The following SUZ12 variants were observed in gnomAD, a reference collection of about 807,000 sequenced individuals.
SUZ12 encodes SUZ12 polycomb repressive complex 2 subunit.
A neutral mutation model predicts 87.3 loss-of-function variants in SUZ12; 17 were observed. That is an observed-to-expected ratio of 0.19 (90% CI 0.13 to 0.29). The LOEUF is 0.29. Among genes scored for constraint, SUZ12 ranks in the 10% least tolerant of loss-of-function variants. The probability of loss-of-function intolerance (pLI) is 1.00; values close to 1 mark genes in which losing one functional copy is unlikely to be tolerated. For synonymous variants in SUZ12, 253 were observed against 312.4 expected (o/e 0.81, Z 2.01); for missense variants, 526 against 912.2 (o/e 0.58, Z 5.45).
At chr17:31,982,288 AC>A (rs1328746242) in intron 8 of SUZ12, among the ~76,000 whole-genome samples, 1 of 152,238 alleles carries the variant, frequency 6.6e-6, no homozygotes, top group African/African-American at 2.4e-5. Context: ...TCAAACAATT[AC>A]AGTAGTTAAA....
chr17:31,977,477 A>AC (rs1350780551), intron 8 of SUZ12, among the ~76,000 whole-genome samples: 11 of 151,886 alleles, frequency 7.2e-5, no homozygotes, highest in Non-Finnish European at 1.5e-4. Context: ...GACGGGTTTC[A>AC]CCGTGTTAGC....
chr17:31,982,312 C>G (rs1217882790), intron 8 of SUZ12, among the ~76,000 whole-genome samples: 1 of 149,608 alleles, frequency 6.7e-6, no homozygotes, highest in Admixed American at 6.6e-5. Context: ...TAACAGAATT[C>G]TTAGTGTTTC....
At position 31,937,163 on chromosome 17, in the gene SUZ12, TG is replaced by T; in HGVS notation, c.-80del. On this transcript the variant is annotated 5_prime_UTR_variant, in exon 1 of 16. Coordinates refer to ENST00000322652, the MANE Select transcript of SUZ12 (RefSeq NM_015355.4). ...CCCCCCTCGGTCCGCCGGAGCCTGC[TG>T]GGGCGAGCGGTTGGTATTGCAGGCG... 4 of 1,228,866 alleles carry T rather than the reference TG, an allele frequency of 3.3e-6. No homozygotes were observed. The highest frequency in any genetic ancestry group is 3.2e-6 in the Non-Finnish European group (3 of 947,708). The allele number at this position is 1,228,866 out of a possible 1,614,324, so 76.1% of individuals were successfully genotyped here.
chr17:31,943,382 C>A (rs906722045), intron 3 of SUZ12, among the ~76,000 whole-genome samples: 1 of 151,748 alleles, frequency 6.6e-6, no homozygotes, highest in Non-Finnish European at 1.5e-5. Context: ...AATTTCAGTC[C>A]GAAATGTCAA....
chr17:31,988,197 AT>A, intron 9 of SUZ12, 122 bp from the exon 10 acceptor site: 1 of 957,622 alleles, frequency 1.0e-6, no homozygotes, highest in South Asian at 2.0e-5. Flanking sequence ...CAGCATTTGG[AT>A]TTTCAAGACA....
intron 9 of SUZ12, among the ~76,000 whole-genome samples, chr17:31,985,398 G>T (rs963267443): frequency 6.6e-6 from 1 of 151,228 alleles, no homozygotes; most frequent in African/African-American, 2.4e-5. Context: ...TAGTTTACAA[G>T]ATTTCCATAT....
In SUZ12 at chr17:31,957,895, C is replaced by CTTTTTTTTTTTTT. The variant is rs1181314058; in HGVS notation, c.456-8239_456-8227dup. Among the ~76,000 whole-genome samples the CTTTTTTTTTTTTT allele has an allele frequency of 5.5e-5, 5 of 91,332 alleles. 1 individual carries two copies. The highest frequency in any genetic ancestry group is 1.1e-4 in the Non-Finnish European group (5 of 44,588). The allele number at this position is 91,332 out of a possible 152,430, so 59.9% of individuals were successfully genotyped here. Reference sequence around the variant, plus strand: ...ACCTGGCCCTGGCTCACCTTTTGTCCTTTTTTTTTTTTTTTTTTTTTTTTT... The same window carrying CTTTTTTTTTTTTT: ...ACCTGGCCCTGGCTCACCTTTTGTCCTTTTTTTTTTTTTTTTTTTTTTTTTTTTTTTTTTTTTT... On this transcript the variant is annotated intron_variant, in intron 4 of 15. Coordinates refer to ENST00000322652, the MANE Select transcript of SUZ12 (RefSeq NM_015355.4).
At chr17:31,944,976 G>A (rs191191281) in intron 3 of SUZ12, among the ~76,000 whole-genome samples, 1 of 151,090 alleles carries the variant, frequency 6.6e-6, no homozygotes, top group Non-Finnish European at 1.5e-5. Context: ...GCTGAGGCAG[G>A]AGGATCACCT....
At chr17:31,951,191 T>C (rs528268021) in intron 4 of SUZ12, among the ~76,000 whole-genome samples, 1 of 152,316 alleles carries the variant, frequency 6.6e-6, no homozygotes, top group East Asian at 1.9e-4. Flanking sequence ...TTATAGTATG[T>C]CTGCTCCTGA....
intron 8 of SUZ12, among the ~76,000 whole-genome samples, chr17:31,978,230 A>G (rs1185696533): frequency 6.6e-6 from 1 of 151,880 alleles, no homozygotes; most frequent in Admixed American, 6.6e-5. Flanking sequence ...TATTTTTGAG[A>G]CGGACTCTCG....
At chr17:31,963,548 A>G (rs1303058576) in intron 4 of SUZ12, among the ~76,000 whole-genome samples, 1 of 151,802 alleles carries the variant, frequency 6.6e-6, no homozygotes, top group Admixed American at 6.6e-5. Flanking sequence ...CCCATGCTGG[A>G]GTGCAGTGGT....
chr17:31,988,100 C>T (rs1045699186), intron 9 of SUZ12, among the ~76,000 whole-genome samples: 2 of 152,102 alleles, frequency 1.3e-5, no homozygotes, highest in Non-Finnish European at 2.9e-5. Context: ...GATCAGTGGT[C>T]GCCTCTTTTA....
Position 31,998,950 on chromosome 17 carries a change from GAAA to G in SUZ12, c.2168_2170del (p.Glu723_Thr724delinsAla), listed in dbSNP as rs768341726. 4 of 1,606,428 alleles carry G rather than the reference GAAA, an allele frequency of 2.5e-6. No individual in the cohort carries two copies. The East Asian group carries it at 6.7e-5, about 27-fold the overall frequency. On this transcript the variant is annotated inframe_deletion, in exon 16 of 16. Coordinates refer to ENST00000322652, the MANE Select transcript of SUZ12 (RefSeq NM_015355.4). ...AATTAACTCAAAAGAGAAAGCTTTG[GAAA>G]CAGATAGTGTCTCAGGGGTTTCAAA...
intron 11 of SUZ12, 87 bp downstream of exon 11, chr17:31,993,420 TTTTATTTA>T (rs1288922732): frequency 1.1e-6 from 1 of 902,400 alleles, no homozygotes; most frequent in South Asian, 1.6e-5. Flanking sequence ...TTCATTTTTA[TTTTATTTA>T]TTTATTTATT....
chr17:31,982,902 T>G, intron 8 of SUZ12, 97 bp from the exon 9 acceptor site: 4 of 1,382,408 alleles, frequency 2.9e-6, no homozygotes, highest in Non-Finnish European at 3.9e-6. Flanking sequence ...AGTTTATAAA[T>G]TTAATAAATG....
At chr17:31,994,870 A>T in intron 13 of SUZ12, 149 bp downstream of exon 13, 1 of 718,880 alleles carries the variant, frequency 1.4e-6, no homozygotes, top group Non-Finnish European at 2.1e-6. Flanking sequence ...ACTACTTTAT[A>T]ACACTTGATA....
At chr17:31,996,685 C>A in intron 14 of SUZ12, 113 bp from the exon 15 acceptor site, 1 of 635,852 alleles carries the variant, frequency 1.6e-6, no homozygotes, top group Non-Finnish European at 2.6e-6. Flanking sequence ...AATGTTGCCA[C>A]TTTGCTGTAT....
rs1909517587 is a variant in SUZ12, at chr17:31,988,261, A to G, written c.1024-59A>G. On this transcript the variant is annotated intron_variant, in intron 9 of 15. Coordinates refer to ENST00000322652, the MANE Select transcript of SUZ12 (RefSeq NM_015355.4). ...TTATAATGAATTTTTTTTAATTTCT[A>G]CAATTTATTTGAATTCATTATCTGA... is the stretch of plus-strand genomic sequence containing the variant. The G allele has an allele frequency of 4.9e-6, 7 of 1,443,154 alleles. No homozygotes were observed. The South Asian group carries it at 7.3e-5, about 15-fold the overall frequency. 89.4% of individuals were successfully genotyped at this position (1,443,154 alleles called of 1,614,324 possible). A position where few individuals can be genotyped will look rare whatever the true frequency, so the allele number is the denominator to read the frequency against.
At chr17:31,970,838 G>A (rs1908384671) in intron 5 of SUZ12, among the ~76,000 whole-genome samples, 1 of 151,934 alleles carries the variant, frequency 6.6e-6, no homozygotes, top group Non-Finnish European at 1.5e-5. Flanking sequence ...GTGTTGCCCA[G>A]TGCCTTAGAA....
Sources: gnomAD v4.1 joint callset for allele counts (sites outside exome capture counted in the v4.1 genomes callset) on GRCh38, gnomAD v4.1.1 for gene constraint, MANE v1.5 for transcripts, NCBI Gene and HGNC (gene_info 2026-07-23, HGNC 2026-07-21) for gene names.